STS: variants seen among roughly 807,000 people sequenced by gnomAD.
STS encodes the protein steroid sulfatase.
A neutral mutation model predicts 26.8 loss-of-function variants in STS; 7 were observed. The ratio of observed to expected loss-of-function variants is 0.26; its 90% CI spans 0.15 to 0.49. The LOEUF (loss-of-function observed/expected upper bound fraction) is 0.49, where lower values mean the gene tolerates loss of function less well. Among genes scored for constraint, STS ranks in the 20% least tolerant of loss-of-function variants. STS has a pLI of 0.98. For missense variants in STS, 434 were observed against 465.6 expected (o/e 0.93, Z 0.63); for synonymous variants, 199 against 189.4 (o/e 1.05, Z -0.42).
chrX:7,162,149 T>G (rs1933257103), intron 1 of STS, among the ~76,000 whole-genome samples: 1 of 111,638 alleles, frequency 9.0e-6, no homozygotes, highest in Non-Finnish European at 1.9e-5. Context: ...TGTTTCCATC[T>G]TGTCTTCTCC....
chrX:7,210,469 G>A (rs914466048), intron 2 of STS, among the ~76,000 whole-genome samples: 7 of 105,941 alleles, frequency 6.6e-5, no homozygotes, highest in East Asian at 2.8e-4. Context: ...CAATATAAAT[G>A]TTTTATTTTA....
At position 7,352,957 on chromosome X, in the gene STS, A is replaced by AC. The variant is rs1365961921; in HGVS notation, c.*2696_*2697insC. 2 of 104,808 alleles carry AC rather than the reference A, an allele frequency of 1.9e-5. No homozygotes were observed. The highest frequency in any genetic ancestry group is 3.9e-5 in the Non-Finnish European group (2 of 51,233). 8.6% of individuals were successfully genotyped at this position (104,808 alleles called of 1,213,427 possible). On this transcript the variant is annotated 3_prime_UTR_variant, in exon 11 of 11. Coordinates refer to ENST00000674429, the MANE Select transcript of STS (RefSeq NM_001320752.2). ...AAGTGAAGGGGAAACACACACACAC[A>AC]AAAAAACAAGTATTTGGCTTGTCAC...
intron 1 of STS, 73 bp downstream of exon 1, chrX:7,148,156 G>GCGCGCACCCGCCCGCCCCGCGCA: frequency 1.0e-6 from 1 of 956,913 alleles, no homozygotes; most frequent in Non-Finnish European, 1.4e-6. Flanking sequence ...GAGGAAGTGC[G>GCGCGCACCCGCCCGCCCCGCGCA]CGCGCACCCG....
intron 2 of STS, among the ~76,000 whole-genome samples, chrX:7,240,227 T>C (rs1250202633): frequency 9.2e-6 from 1 of 109,181 alleles, no homozygotes; most frequent in Non-Finnish European, 1.9e-5. Flanking sequence ...GGCTAGATGG[T>C]ATTTCTCATC....
At chrX:7,330,260 T>C (rs1278327392) in intron 9 of STS, among the ~76,000 whole-genome samples, 1 of 112,191 alleles carries the variant, frequency 8.9e-6, no homozygotes, top group Non-Finnish European at 1.9e-5. Flanking sequence ...AAATTCTTTC[T>C]GTGGGTCTCA....
intron 9 of STS, among the ~76,000 whole-genome samples, chrX:7,330,187 C>T (rs767900397): frequency 1.8e-5 from 2 of 111,716 alleles, no homozygotes; most frequent in Non-Finnish European, 3.8e-5. Flanking sequence ...TTACAAAAGG[C>T]AGCAACAAGG....
intron 2 of STS, among the ~76,000 whole-genome samples, chrX:7,236,042 T>C (rs754648472): frequency 4.4e-5 from 5 of 112,381 alleles, no homozygotes; most frequent in African/African-American, 1.6e-4. Context: ...AATATAACTT[T>C]ATATTCTAAA....
At chrX:7,271,808 G>T (rs1007426515) in intron 6 of STS, among the ~76,000 whole-genome samples, 3 of 107,870 alleles carry the variant, frequency 2.8e-5, no homozygotes, top group African/African-American at 1.0e-4. Context: ...AGGTTGGGGG[G>T]TACCTAATTT....
chrX:7,242,549 G>A (rs1922673751), intron 2 of STS, among the ~76,000 whole-genome samples: 1 of 109,711 alleles, frequency 9.1e-6, no homozygotes, highest in Non-Finnish European at 1.9e-5. Context: ...GCAGTGAGCC[G>A]TGATCACGCC....
At chrX:7,289,929 A>G (rs1021087044) in intron 7 of STS, among the ~76,000 whole-genome samples, 5 of 111,798 alleles carry the variant, frequency 4.5e-5, no homozygotes, top group African/African-American at 1.6e-4. Flanking sequence ...TGTTGGGATT[A>G]CAGACAGAAT....
intron 2 of STS, among the ~76,000 whole-genome samples, chrX:7,228,173 C>A (rs187337387): frequency 5.1e-4 from 57 of 111,535 alleles, no homozygotes; most frequent in African/African-American, 1.8e-3. Context: ...GTGAATAGTA[C>A]TGCAGTGAGC....
In STS at chrX:7,293,692, G is replaced by C. The variant is rs182718040; in HGVS notation, c.944-11354G>C. Among the ~76,000 whole-genome samples, 385 of 111,844 alleles carry C rather than the reference G, an allele frequency of 3.4e-3. 2 individuals are homozygous for C. The highest frequency in any genetic ancestry group is 0.018 in the Middle Eastern group (4 of 217). The stretch of plus-strand genomic sequence containing the variant: ...TATCAGAAAACCCAGTGATAACAGT[G>C]CAGCAAGAATGAAGGATATGTAGAT... On this transcript the variant is annotated intron_variant, in intron 7 of 10. Transcript: ENST00000674429.
intron 8 of STS, among the ~76,000 whole-genome samples, chrX:7,306,324 G>A (rs1926214593): frequency 9.0e-6 from 1 of 111,017 alleles, no homozygotes; most frequent in Non-Finnish European, 1.9e-5. Flanking sequence ...TTTGTGCTAA[G>A]GGTTAGGACT....
At chrX:7,312,349 T>C (rs1354761941) in intron 8 of STS, among the ~76,000 whole-genome samples, 2 of 112,120 alleles carry the variant, frequency 1.8e-5, no homozygotes, top group Non-Finnish European at 3.8e-5. Context: ...CTTACCTGTT[T>C]ATTATTTTAT....
At chrX:7,331,756 T>A (rs1210055695) in intron 9 of STS, among the ~76,000 whole-genome samples, 2 of 110,946 alleles carry the variant, frequency 1.8e-5, no homozygotes, top group African/African-American at 6.6e-5. Flanking sequence ...AGGGTCACTT[T>A]CCATTTTTCA....
chrX:7,310,308 A>G (rs1257135248), intron 8 of STS, among the ~76,000 whole-genome samples: 1 of 112,208 alleles, frequency 8.9e-6, no homozygotes, highest in African/African-American at 3.2e-5. Flanking sequence ...AGTAGAAACC[A>G]TTGCTTGAAA....
At chrX:7,326,019 T>G (rs953130858) in intron 9 of STS, among the ~76,000 whole-genome samples, 2 of 111,888 alleles carry the variant, frequency 1.8e-5, no homozygotes, top group Non-Finnish European at 3.8e-5. Flanking sequence ...TTTTTAGGTT[T>G]GATGCTGGCT....
intron 2 of STS, among the ~76,000 whole-genome samples, chrX:7,192,873 G>A (rs1444617690): frequency 8.9e-6 from 1 of 112,324 alleles, no homozygotes; most frequent in Non-Finnish European, 1.9e-5. Context: ...CAGGCGTGCC[G>A]CTAACCATCC....
chrX:7,157,644 C>T (rs1933162203), intron 1 of STS, among the ~76,000 whole-genome samples: 2 of 111,308 alleles, frequency 1.8e-5, no homozygotes, highest in Non-Finnish European at 3.8e-5. Context: ...TTCTTTTGGC[C>T]AGGCACCATG....
Sources: gnomAD v4.1 joint callset for allele counts (sites outside exome capture counted in the v4.1 genomes callset) on GRCh38, gnomAD v4.1.1 for gene constraint, MANE v1.5 for transcripts, NCBI Gene and HGNC (gene_info 2026-07-23, HGNC 2026-07-21) for gene names.